The following RBFOX1 variants were observed in gnomAD, a reference collection of about 807,000 sequenced individuals.
RBFOX1 encodes the protein RNA binding protein fox-1 homolog 1.
RBFOX1 carries 8 observed loss-of-function variants against 57.7 expected under a neutral mutation model. The ratio of observed to expected loss-of-function variants is 0.14; its 90% CI spans 0.08 to 0.25. The LOEUF (loss-of-function observed/expected upper bound fraction) is 0.25. RBFOX1 is among the 10% of genes least tolerant of loss of function. The pLI is 1.00. For synonymous variants in RBFOX1, 326 were observed against 222.4 expected (o/e 1.47, Z -4.15); for missense variants, 611 against 548.5 (o/e 1.11, Z -1.14).
At chr16:5,961,207 C>T (rs955508848) in intron 4 of RBFOX1, among the ~76,000 whole-genome samples, 10 of 151,966 alleles carry the variant, frequency 6.6e-5, no homozygotes, top group Non-Finnish European at 4.4e-5. Flanking sequence ...CTATTTTATT[C>T]AGCATTGCTT....
intron 3 of RBFOX1, among the ~76,000 whole-genome samples, chr16:6,773,358 G>A (rs1012839380): frequency 3.4e-5 from 5 of 146,134 alleles, no homozygotes; most frequent in African/African-American, 7.7e-5. Flanking sequence ...TGGATATGGG[G>A]TGCATTTGTG....
intron 5 of RBFOX1, among the ~76,000 whole-genome samples, chr16:7,571,254 G>T (rs191680943): frequency 2.6e-5 from 4 of 152,088 alleles, no homozygotes; most frequent in African/African-American, 9.7e-5. Context: ...CCACTTACCT[G>T]GTCATCACTA....
chr16:7,639,476 C>G (rs992732792), intron 11 of RBFOX1, among the ~76,000 whole-genome samples: 6 of 152,108 alleles, frequency 3.9e-5, no homozygotes, highest in African/African-American at 1.4e-4. Context: ...TTCATTCAAC[C>G]AATCTTTATT....
intron 4 of RBFOX1, among the ~76,000 whole-genome samples, chr16:7,320,437 C>T (rs1005246253): frequency 3.6e-4 from 55 of 152,166 alleles, no homozygotes; most frequent in African/African-American, 1.2e-3. Context: ...CATAGTATTC[C>T]ATGGTGGGTA....
At chr16:5,539,910 G>T (rs932080611) in intron 2 of RBFOX1, among the ~76,000 whole-genome samples, 1 of 152,186 alleles carries the variant, frequency 6.6e-6, no homozygotes, top group Non-Finnish European at 1.5e-5. Flanking sequence ...AGGTAAACAA[G>T]TATTTTATGG....
intron 1 of RBFOX1, among the ~76,000 whole-genome samples, chr16:6,190,190 T>C (rs971822983): frequency 2.6e-5 from 4 of 152,242 alleles, no homozygotes; most frequent in Admixed American, 2.6e-4. Context: ...CTGTAGATGT[T>C]CAATAAGTAT....
At chr16:6,910,887 C>T (rs1006911150) in intron 3 of RBFOX1, among the ~76,000 whole-genome samples, 19 of 152,192 alleles carry the variant, frequency 1.2e-4, no homozygotes, top group African/African-American at 2.6e-4. Flanking sequence ...CTTTGCCTTC[C>T]TTGCTAATCT....
intron 4 of RBFOX1, among the ~76,000 whole-genome samples, chr16:7,507,688 C>A (rs2073823015): frequency 6.6e-6 from 1 of 150,630 alleles, no homozygotes; most frequent in Non-Finnish European, 1.5e-5. Context: ...CTCAACCTCC[C>A]AAGTAGCTGG....
chr16:7,207,182 C>T lies in RBFOX1; in HGVS notation c.27+155084C>T, dbSNP rs189034441. Among the ~76,000 whole-genome samples, 823 of 152,314 alleles carry T rather than the reference C, an allele frequency of 5.4e-3. 10 individuals carry two copies. Among genetic ancestry groups the T allele is most frequent in the Non-Finnish European group, 5.5e-3 (377 of 68,024 alleles). On this transcript the variant is annotated intron_variant, in intron 4 of 15. Coordinates refer to ENST00000550418, the MANE Select transcript of RBFOX1 (RefSeq NM_018723.4). ...TACGCTGTATTTTCTTTTATAGCAT[C>T]TTCATTACCTTTGTGTCTTCCGTAG...
chr16:5,316,878 T>C (rs987227141), intron 1 of RBFOX1, among the ~76,000 whole-genome samples: 2 of 152,088 alleles, frequency 1.3e-5, no homozygotes, highest in African/African-American at 4.8e-5. Flanking sequence ...GGAAGATTCC[T>C]CCTTTATATG....
At chr16:6,997,825 T>C (rs1443303171) in intron 3 of RBFOX1, among the ~76,000 whole-genome samples, 1 of 152,194 alleles carries the variant, frequency 6.6e-6, no homozygotes, top group Non-Finnish European at 1.5e-5. Context: ...TTAGTGCAAA[T>C]AATTTGTCTT....
intron 3 of RBFOX1, among the ~76,000 whole-genome samples, chr16:7,044,845 T>A (rs990661459): frequency 1.1e-4 from 16 of 152,264 alleles, no homozygotes; most frequent in Non-Finnish European, 1.6e-4. Context: ...AGGTGCCTTT[T>A]TTTCCACCTC....
At chr16:7,567,242 C>CATATATCTCTATAT (rs2091960645) in intron 5 of RBFOX1, among the ~76,000 whole-genome samples, 2 of 70,934 alleles carry the variant, frequency 2.8e-5, no homozygotes, top group African/African-American at 1.0e-4. Context: ...TATATATATC[C>CATATATCTCTATAT]ATATATCCCT....
chr16:6,074,147 A>C (rs1422752286), intron 1 of RBFOX1, among the ~76,000 whole-genome samples: 1 of 151,964 alleles, frequency 6.6e-6, no homozygotes, highest in African/African-American at 2.4e-5. Flanking sequence ...ACAGGATTTC[A>C]CCATGTTAGC....
chr16:6,736,238 G>C (rs976571704), intron 3 of RBFOX1, among the ~76,000 whole-genome samples: 14 of 152,046 alleles, frequency 9.2e-5, no homozygotes, highest in African/African-American at 3.1e-4. Context: ...ACACGAGTAA[G>C]TTCTTTAGTG....
intron 2 of RBFOX1, among the ~76,000 whole-genome samples, chr16:6,601,191 T>G (rs1295936981): frequency 1.3e-5 from 2 of 152,194 alleles, no homozygotes; most frequent in South Asian, 2.1e-4. Flanking sequence ...TAGTACTTGT[T>G]TTTTTAAGAT....
chr16:6,560,336 A>T (rs1051397038), intron 2 of RBFOX1, among the ~76,000 whole-genome samples: 17 of 74,928 alleles, frequency 2.3e-4, no homozygotes, highest in Middle Eastern at 8.2e-3. Flanking sequence ...GGAGGGCAGG[A>T]GAGTGGGGGT....
intron 3 of RBFOX1, among the ~76,000 whole-genome samples, chr16:5,721,472 A>G (rs930310702): frequency 6.6e-6 from 1 of 152,066 alleles, no homozygotes; most frequent in East Asian, 1.9e-4. Context: ...GTTCTTGCCC[A>G]ATTGCCCTGG....
At chr16:6,782,635 T>G (rs2081224899) in intron 3 of RBFOX1, among the ~76,000 whole-genome samples, 1 of 152,184 alleles carries the variant, frequency 6.6e-6, no homozygotes, top group African/African-American at 2.4e-5. Flanking sequence ...GAGACTTGTG[T>G]TTCGGCCTAA....
Sources: gnomAD v4.1 joint callset for allele counts (sites outside exome capture counted in the v4.1 genomes callset) on GRCh38, gnomAD v4.1.1 for gene constraint, MANE v1.5 for transcripts, NCBI Gene and HGNC (gene_info 2026-07-23, HGNC 2026-07-21) for gene names.